Variants in NAALADL2 observed in about 807,000 individuals in gnomAD.
NAALADL2 encodes inactive N-acetylated-alpha-linked acidic dipeptidase-like protein 2.
In NAALADL2, 76 loss-of-function variants were observed where a neutral mutation model predicts 87.2. The observed-to-expected ratio is 0.87, with a 90% confidence interval of 0.72 to 1.05. NAALADL2 has a LOEUF of 1.05. Ranked by LOEUF, NAALADL2 falls within the 50% of genes least tolerant of loss-of-function variation. The pLI, the probability that NAALADL2 is intolerant of heterozygous loss-of-function variation, is 0.00. For missense variants in NAALADL2, 1,089 were observed against 945.8 expected, an observed-to-expected ratio of 1.15 and a Z score of -1.99; for synonymous variants, 354 against 331.0, an observed-to-expected ratio of 1.07 and a Z score of -0.75.
intron 13 of NAALADL2, among the ~76,000 whole-genome samples, chr3:175,799,583 G>T (rs574242762): frequency 6.6e-6 from 1 of 152,072 alleles, no homozygotes; most frequent in Admixed American, 6.6e-5. Context: ...GTTCTGTCAC[G>T]TACAAAAATA....
At chr3:175,404,692 C>T (rs1310372856) in intron 5 of NAALADL2, among the ~76,000 whole-genome samples, 2 of 152,062 alleles carry the variant, frequency 1.3e-5, no homozygotes, top group Non-Finnish European at 2.9e-5. Context: ...TCCTTTTTCC[C>T]TGCTTTTGTA....
At chr3:174,831,510 C>T (rs1006755635) in intron 3 of NAALADL2, among the ~76,000 whole-genome samples, 11 of 144,988 alleles carry the variant, frequency 7.6e-5, no homozygotes, top group African/African-American at 2.8e-4. Context: ...TTCGTTTTGC[C>T]AGTATTTTAT....
intron 1 of NAALADL2, among the ~76,000 whole-genome samples, chr3:174,453,528 G>C (rs1380614142): frequency 6.6e-6 from 1 of 152,152 alleles, no homozygotes; most frequent in East Asian, 1.9e-4. Flanking sequence ...AGAAAGGTCA[G>C]GTCACCCAAA....
chr3:175,801,409 G>A (rs144051772), intron 13 of NAALADL2, among the ~76,000 whole-genome samples: 336 of 152,158 alleles, frequency 2.2e-3, no homozygotes, highest in African/African-American at 7.8e-3. Context: ...TCATTGCCCA[G>A]TCTGGCCCTA....
intron 5 of NAALADL2, among the ~76,000 whole-genome samples, chr3:175,347,191 A>G (rs1396168374): frequency 6.6e-6 from 1 of 152,176 alleles, no homozygotes; most frequent in South Asian, 2.1e-4. Context: ...TCAGTTTTCA[A>G]CTGATACTGC....
At chr3:175,234,310 C>T in intron 3 of NAALADL2, 106 bp downstream of exon 3, 1 of 1,221,370 alleles carries the variant, frequency 8.2e-7, no homozygotes, top group Non-Finnish European at 1.1e-6. Context: ...CAAAAGTAAC[C>T]ATTAAATCTT....
intron 2 of NAALADL2, among the ~76,000 whole-genome samples, chr3:175,131,488 G>A (rs981211914): frequency 7.2e-5 from 11 of 152,120 alleles, no homozygotes; most frequent in African/African-American, 2.7e-4. Flanking sequence ...CAGATCAACA[G>A]GATAATAATT....
At chr3:175,536,727 A>T (rs1434182381) in intron 9 of NAALADL2, among the ~76,000 whole-genome samples, 2 of 152,166 alleles carry the variant, frequency 1.3e-5, no homozygotes, top group African/African-American at 4.8e-5. Context: ...GTTAGCCAGG[A>T]TGGTTGCGAT....
chr3:175,487,700 A>G (rs1041064501), intron 9 of NAALADL2: 5 of 326,734 alleles, frequency 1.5e-5, no homozygotes, highest in Non-Finnish European at 2.4e-5. Flanking sequence ...TATTAGTACA[A>G]TGTCTTCTTA....
chr3:174,553,402 A>G lies in NAALADL2; in HGVS notation c.-115+2765A>G, dbSNP rs1227764480. ...CATAGGTTTCTTATAAGCTTAAGCT[A>G]TGCAAAACTGCATTTTTGTTCTTAA... On this transcript the variant is annotated intron_variant, in intron 2 of 3. Coordinates refer to the NAALADL2 transcript ENST00000434257. Among the ~76,000 whole-genome samples the G allele has an allele frequency of 2.0e-5, 3 of 152,204 alleles. No individual in the cohort carries two copies. The East Asian group carries it at 5.8e-4, about 29-fold the overall frequency.
chr3:175,663,908 A>G (rs1400622234), intron 11 of NAALADL2, among the ~76,000 whole-genome samples: 1 of 152,010 alleles, frequency 6.6e-6, no homozygotes, highest in East Asian at 1.9e-4. Flanking sequence ...TGAAATAGAT[A>G]AAGTCATATT....
At chr3:175,205,923 C>G (rs896262572) in intron 2 of NAALADL2, among the ~76,000 whole-genome samples, 1 of 151,556 alleles carries the variant, frequency 6.6e-6, no homozygotes, top group Admixed American at 6.6e-5. Flanking sequence ...GCAACAATGG[C>G]CATAATAAAA....
intron 5 of NAALADL2, among the ~76,000 whole-genome samples, chr3:175,359,100 C>T (rs1219667349): frequency 1.3e-5 from 2 of 152,068 alleles, no homozygotes; most frequent in African/African-American, 4.8e-5. Flanking sequence ...CACCAATGCT[C>T]ATTGCAAGCA....
chr3:175,435,381 A>G (rs941553300), intron 5 of NAALADL2, among the ~76,000 whole-genome samples: 4 of 152,116 alleles, frequency 2.6e-5, no homozygotes, highest in African/African-American at 9.6e-5. Flanking sequence ...ATAATTCTGT[A>G]AATATAATCA....
chr3:175,695,485 G>A (rs903594940), intron 11 of NAALADL2, among the ~76,000 whole-genome samples: 2 of 152,084 alleles, frequency 1.3e-5, no homozygotes, highest in African/African-American at 2.4e-5. Flanking sequence ...TCATAGTGAG[G>A]TTTAAAAGAA....
chr3:174,762,385 C>T (rs1409350981), intron 3 of NAALADL2, among the ~76,000 whole-genome samples: 2 of 148,766 alleles, frequency 1.3e-5, no homozygotes, highest in African/African-American at 2.5e-5. Context: ...GATCTCCTGA[C>T]CTCGTGGTCC....
chr3:174,634,568 G>T (rs1228324771), intron 2 of NAALADL2, among the ~76,000 whole-genome samples: 1 of 151,912 alleles, frequency 6.6e-6, no homozygotes, highest in Non-Finnish European at 1.5e-5. Flanking sequence ...AAATTTACTT[G>T]CTTTTGGATG....
intron 3 of NAALADL2, among the ~76,000 whole-genome samples, chr3:174,847,544 G>T (rs1229221280): frequency 6.6e-6 from 1 of 152,108 alleles, no homozygotes; most frequent in Non-Finnish European, 1.5e-5. Context: ...GTCTGATTTT[G>T]GATGGTTGGC....
At chr3:175,768,972 A>G (rs1482062405) in intron 13 of NAALADL2, among the ~76,000 whole-genome samples, 1 of 152,160 alleles carries the variant, frequency 6.6e-6, no homozygotes, top group East Asian at 1.9e-4. Flanking sequence ...AATATATTTT[A>G]TCTTACACAT....
Sources: gnomAD v4.1 joint callset for allele counts (sites outside exome capture counted in the v4.1 genomes callset) on GRCh38, gnomAD v4.1.1 for gene constraint, MANE v1.5 for transcripts, NCBI Gene and HGNC (gene_info 2026-07-23, HGNC 2026-07-21) for gene names.